IL1RAPL1: variants seen among roughly 807,000 people sequenced by gnomAD.
IL1RAPL1 encodes the protein interleukin 1 receptor accessory protein like 1, also known as interleukin-1 receptor accessory protein-like 1.
IL1RAPL1 carries 3 observed loss-of-function variants against 48.4 expected under a neutral mutation model. That is an observed-to-expected ratio of 0.06 (90% CI 0.03 to 0.16). The LOEUF (loss-of-function observed/expected upper bound fraction) is 0.16, where lower values mean the gene tolerates loss of function less well. IL1RAPL1 is among the 10% of genes least tolerant of loss of function. IL1RAPL1 has a pLI of 1.00. For missense variants in IL1RAPL1, 349 were observed against 530.6 expected (o/e 0.66, Z 3.36); for synonymous variants, 185 against 187.7 (o/e 0.99, Z 0.12).
intron 3 of IL1RAPL1, among the ~76,000 whole-genome samples, chrX:29,320,264 G>A (rs757166106): frequency 4.5e-5 from 5 of 111,613 alleles, no homozygotes; most frequent in Non-Finnish European, 9.4e-5. Context: ...ATGGGGAAAG[G>A]ATACACGACA....
At chrX:29,628,363 G>C (rs1323188329) in intron 5 of IL1RAPL1, among the ~76,000 whole-genome samples, 5 of 112,072 alleles carry the variant, frequency 4.5e-5, no homozygotes, top group Admixed American at 9.5e-5. Context: ...TTACAGGTAA[G>C]TATTGGTGAA....
chrX:29,074,451 A>G (rs9887423), intron 2 of IL1RAPL1, among the ~76,000 whole-genome samples: 4,817 of 111,782 alleles, frequency 0.043, 117 homozygotes, highest in Non-Finnish European at 0.065. Flanking sequence ...CACGGTTATT[A>G]TAATGTCTAA....
intron 5 of IL1RAPL1, among the ~76,000 whole-genome samples, chrX:29,465,220 C>T (rs1934848759): frequency 9.0e-6 from 1 of 110,938 alleles, no homozygotes; most frequent in African/African-American, 3.3e-5. Context: ...GCCTGGGCAA[C>T]ATAGTGAGTC....
At chrX:29,180,083 A>G (rs1267947826) in intron 2 of IL1RAPL1, among the ~76,000 whole-genome samples, 1 of 108,459 alleles carries the variant, frequency 9.2e-6, no homozygotes, top group Non-Finnish European at 1.9e-5. Flanking sequence ...CAACAAATCA[A>G]TCTCTCTCTC....
intron 6 of IL1RAPL1, among the ~76,000 whole-genome samples, chrX:29,785,786 C>A (rs1302602973): frequency 9.0e-6 from 1 of 111,453 alleles, no homozygotes; most frequent in Non-Finnish European, 1.9e-5. Context: ...TTCTCTTGAA[C>A]AAAAAGGCCA....
intron 2 of IL1RAPL1, among the ~76,000 whole-genome samples, chrX:28,805,810 T>C (rs1936724196): frequency 9.0e-6 from 1 of 110,754 alleles, no homozygotes; most frequent in Non-Finnish European, 1.9e-5. Flanking sequence ...TAGTATAAGC[T>C]CGTTGAGTAT....
At chrX:29,112,173 G>C (rs1278995268) in intron 2 of IL1RAPL1, among the ~76,000 whole-genome samples, 1 of 110,889 alleles carries the variant, frequency 9.0e-6, no homozygotes, top group East Asian at 2.8e-4. Flanking sequence ...TGATCCGCCT[G>C]CCTCGGCCTC....
At chrX:29,065,440 C>T (rs1227046760) in intron 2 of IL1RAPL1, among the ~76,000 whole-genome samples, 1 of 111,462 alleles carries the variant, frequency 9.0e-6, no homozygotes, top group Non-Finnish European at 1.9e-5. Flanking sequence ...TTGTTTTTCT[C>T]TTGTTGAGTT....
At chrX:29,726,983 A>G (rs1225860950) in intron 6 of IL1RAPL1, among the ~76,000 whole-genome samples, 2 of 111,933 alleles carry the variant, frequency 1.8e-5, no homozygotes, top group African/African-American at 6.5e-5. Context: ...GTCAGTGACA[A>G]TGACTGCATT....
intron 6 of IL1RAPL1, among the ~76,000 whole-genome samples, chrX:29,802,485 G>T (rs189029998): frequency 9.3e-6 from 1 of 107,685 alleles, no homozygotes; most frequent in Non-Finnish European, 1.9e-5. Context: ...TAGAAACAAC[G>T]ATGTTACCAA....
Position 29,774,112 on chromosome X carries a change from C to T in IL1RAPL1, c.778+105608C>T, listed in dbSNP as rs186952891. ...TTGCCTCCTCTTCCTGCTCTTCCTC[C>T]TACTTCTCTTCCTCCTTCCTCTCCG... On this transcript the variant is annotated intron_variant, in intron 6 of 10. Coordinates refer to ENST00000378993, the MANE Select transcript of IL1RAPL1 (RefSeq NM_014271.4). Among the ~76,000 whole-genome samples, 825 of 110,786 alleles carry T rather than the reference C, an allele frequency of 7.4e-3. 1 individual carries two copies. The highest frequency in any genetic ancestry group is 0.012 in the Non-Finnish European group (618 of 52,840).
At chrX:28,809,681 G>T (rs1168045316) in intron 2 of IL1RAPL1, among the ~76,000 whole-genome samples, 3 of 110,397 alleles carry the variant, frequency 2.7e-5, no homozygotes, top group Non-Finnish European at 5.7e-5. Flanking sequence ...ATTAGCCGTG[G>T]CCCCTTAGGT....
At chrX:29,354,963 C>T (rs986324183) in intron 3 of IL1RAPL1, among the ~76,000 whole-genome samples, 10 of 111,637 alleles carry the variant, frequency 9.0e-5, no homozygotes, top group African/African-American at 3.3e-4. Flanking sequence ...GTCTTAAATA[C>T]GATCTTCACC....
At chrX:29,211,591 A>G (rs1184938696) in intron 2 of IL1RAPL1, among the ~76,000 whole-genome samples, 1 of 111,405 alleles carries the variant, frequency 9.0e-6, no homozygotes, top group Non-Finnish European at 1.9e-5. Flanking sequence ...TACTTGACGC[A>G]GAAACATTGT....
At chrX:29,522,757 A>G (rs66466842) in intron 5 of IL1RAPL1, among the ~76,000 whole-genome samples, 8,104 of 111,683 alleles carry the variant, frequency 0.073, 501 homozygotes, top group African/African-American at 0.2. Flanking sequence ...CTTATCGTCT[A>G]TTTTCATGAG....
intron 6 of IL1RAPL1, among the ~76,000 whole-genome samples, chrX:29,733,077 A>C (rs1210566334): frequency 9.0e-6 from 1 of 111,220 alleles, no homozygotes; most frequent in Non-Finnish European, 1.9e-5. Context: ...AGGGAAAGGG[A>C]AGGGAGCAAT....
intron 2 of IL1RAPL1, among the ~76,000 whole-genome samples, chrX:28,930,076 T>G (rs999827293): frequency 1.8e-5 from 2 of 111,821 alleles, no homozygotes; most frequent in African/African-American, 6.5e-5. Flanking sequence ...CTGTCCATCT[T>G]GCTAGTTATT....
At chrX:29,052,681 AT>A (rs1042814363) in intron 2 of IL1RAPL1, among the ~76,000 whole-genome samples, 1 of 109,221 alleles carries the variant, frequency 9.2e-6, no homozygotes, top group Non-Finnish European at 1.9e-5. Flanking sequence ...TTTTAAAAAA[AT>A]TTTTTTTGAG....
chrX:28,899,554 A>G (rs1923021937), intron 2 of IL1RAPL1, among the ~76,000 whole-genome samples: 1 of 112,361 alleles, frequency 8.9e-6, no homozygotes, highest in Admixed American at 9.4e-5. Context: ...CACCTGTCTG[A>G]CAACTGGCTT....
Sources: allele counts gnomAD v4.1 joint callset (sites outside exome capture counted in the v4.1 genomes callset), GRCh38; gene constraint gnomAD v4.1.1; transcripts MANE v1.5; gene names NCBI Gene and HGNC (gene_info 2026-07-23, HGNC 2026-07-21).